TIMP3: variants seen among roughly 807,000 people sequenced by gnomAD.
TIMP3 encodes the protein metalloproteinase inhibitor 3.
Under a neutral mutation model 30.0 loss-of-function variants are expected in TIMP3, and 11 were observed. That is an observed-to-expected ratio of 0.37 (90% CI 0.23 to 0.61). The LOEUF is 0.61. Among genes scored for constraint, TIMP3 ranks in the 20% least tolerant of loss-of-function variants. TIMP3 has a pLI of 0.70. For missense variants in TIMP3, 181 were observed against 276.8 expected (o/e 0.65, Z 2.45); for synonymous variants, 112 against 111.3 (o/e 1.01, Z -0.04).
chr22:32,806,771 TATTTATC>T (rs925521482), intron 1 of TIMP3, among the ~76,000 whole-genome samples: 2 of 149,654 alleles, frequency 1.3e-5, no homozygotes, highest in African/African-American at 4.9e-5. Context: ...TATCCATTTC[TATTTATC>T]ATTTATCATC....
chr22:32,838,684 T>C (rs574519625), intron 1 of TIMP3, among the ~76,000 whole-genome samples: 82 of 152,170 alleles, frequency 5.4e-4, no homozygotes, highest in African/African-American at 1.9e-3. Flanking sequence ...ACTTGTCCCT[T>C]CCTTTTCTGA....
At chr22:32,849,429 A>C (rs775904682) in intron 1 of TIMP3, 23 bp from the exon 2 acceptor site, 13 of 1,610,564 alleles carry the variant, frequency 8.1e-6, no homozygotes, top group Non-Finnish European at 1.1e-5. Flanking sequence ...CTAACCTCTT[A>C]TTGTCTCCTT....
chr22:32,836,779 A>G (rs562959428), intron 1 of TIMP3, among the ~76,000 whole-genome samples: 2 of 152,184 alleles, frequency 1.3e-5, no homozygotes, highest in Non-Finnish European at 2.9e-5. Context: ...AAGCTTGTGG[A>G]ACTTAAAGGT....
At chr22:32,808,380 T>C (rs1360742607) in intron 1 of TIMP3, among the ~76,000 whole-genome samples, 1 of 152,098 alleles carries the variant, frequency 6.6e-6, no homozygotes, top group Non-Finnish European at 1.5e-5. Flanking sequence ...AGCAGTGGGA[T>C]GGTCACAAGG....
chr22:32,807,973 G>GT (rs952473625), intron 1 of TIMP3, among the ~76,000 whole-genome samples: 1 of 151,726 alleles, frequency 6.6e-6, no homozygotes, highest in African/African-American at 2.4e-5. Context: ...CTTACTGAGT[G>GT]TTTTTTTTCC....
intron 2 of TIMP3, among the ~76,000 whole-genome samples, chr22:32,851,054 G>A (rs1022382207): frequency 2.6e-5 from 4 of 152,186 alleles, no homozygotes; most frequent in Non-Finnish European, 5.9e-5. Context: ...GGCTGCCTAA[G>A]CTTGGTCATG....
At chr22:32,836,096 C>A (rs903950836) in intron 1 of TIMP3, among the ~76,000 whole-genome samples, 3 of 152,186 alleles carry the variant, frequency 2.0e-5, no homozygotes, top group African/African-American at 7.2e-5. Flanking sequence ...TGTGTGACTT[C>A]TGACAAGTTT....
At chr22:32,834,329 T>TA (rs1601492506) in intron 1 of TIMP3, among the ~76,000 whole-genome samples, 2 of 151,208 alleles carry the variant, frequency 1.3e-5, no homozygotes, top group South Asian at 4.2e-4. Flanking sequence ...ATTTATTTTT[T>TA]TTTTTGTATT....
intron 1 of TIMP3, among the ~76,000 whole-genome samples, chr22:32,805,379 TC>T (rs1323335811): frequency 6.6e-6 from 1 of 152,146 alleles, no homozygotes; most frequent in Non-Finnish European, 1.5e-5. Context: ...AGAAACCAGA[TC>T]CATCCCCTCT....
chr22:32,803,592 C>G (rs1036281116), intron 1 of TIMP3, among the ~76,000 whole-genome samples: 4 of 152,208 alleles, frequency 2.6e-5, no homozygotes, highest in Admixed American at 6.5e-5. Flanking sequence ...TTTTGGGCAG[C>G]CTGAAGACTG....
At chr22:32,817,692 TGG>T (rs1569247937) in intron 1 of TIMP3, among the ~76,000 whole-genome samples, 1 of 152,248 alleles carries the variant, frequency 6.6e-6, no homozygotes, top group Non-Finnish European at 1.5e-5. Flanking sequence ...TAATCTTGCT[TGG>T]CTCAGTTCTG....
chr22:32,855,480 T>C (rs548802418), intron 2 of TIMP3, among the ~76,000 whole-genome samples: 1 of 152,332 alleles, frequency 6.6e-6, no homozygotes, highest in South Asian at 2.1e-4. Flanking sequence ...GGCAGAGTCC[T>C]CTGCTTGGAA....
At chr22:32,827,204 G>A (rs1347680569) in intron 1 of TIMP3, among the ~76,000 whole-genome samples, 1 of 152,202 alleles carries the variant, frequency 6.6e-6, no homozygotes, top group Non-Finnish European at 1.5e-5. Context: ...GTGACTTTGC[G>A]TGGAGTGTCA....
At chr22:32,818,154 A>T (rs1192659138) in intron 1 of TIMP3, among the ~76,000 whole-genome samples, 1 of 152,224 alleles carries the variant, frequency 6.6e-6, no homozygotes, top group Admixed American at 6.5e-5. Context: ...TTGTCTGAAA[A>T]TTAATGGCAC....
chr22:32,827,210 T>C (rs1042140921), intron 1 of TIMP3, among the ~76,000 whole-genome samples: 1 of 152,078 alleles, frequency 6.6e-6, no homozygotes, highest in African/African-American at 2.4e-5. Context: ...TTGCGTGGAG[T>C]GTCAGCTTCT....
intron 1 of TIMP3, among the ~76,000 whole-genome samples, chr22:32,829,145 G>C (rs1486077329): frequency 6.6e-6 from 1 of 152,164 alleles, no homozygotes; most frequent in African/African-American, 2.4e-5. Context: ...GCTTAATTCA[G>C]CTCGGCACTT....
At chr22:32,830,674 G>A (rs531444677) in intron 1 of TIMP3, among the ~76,000 whole-genome samples, 13 of 151,878 alleles carry the variant, frequency 8.6e-5, no homozygotes, top group Admixed American at 3.3e-4. Flanking sequence ...CCCCGCCCCC[G>A]CAATACCACT....
rs55843131 is a variant in TIMP3, at chr22:32,840,816, C to A, written c.122-8636C>A. On this transcript the variant is annotated intron_variant, in intron 1 of 4. Coordinates refer to ENST00000266085, the MANE Select transcript of TIMP3 (RefSeq NM_000362.5). ...TCATCTCTTCTTGGCTCTGTCCTGG[C>A]TTTCCGTCCTTGCTTATATTGCTGA... 8.9e-3 allele frequency among the ~76,000 whole-genome samples: 1,358 copies of A among 152,320 alleles called. 20 individuals carry two copies. The highest frequency in any genetic ancestry group is 0.031 in the African/African-American group (1,306 of 41,578).
intron 1 of TIMP3, among the ~76,000 whole-genome samples, chr22:32,810,692 T>C (rs1480485093): frequency 6.6e-6 from 1 of 152,156 alleles, no homozygotes; most frequent in Non-Finnish European, 1.5e-5. Flanking sequence ...AGAAGAGCTG[T>C]TTCATTCAGA....
Sources: gnomAD v4.1 joint callset for allele counts (sites outside exome capture counted in the v4.1 genomes callset) on GRCh38, gnomAD v4.1.1 for gene constraint, MANE v1.5 for transcripts, NCBI Gene and HGNC (gene_info 2026-07-23, HGNC 2026-07-21) for gene names.